The following CNOT6 variants were observed in gnomAD, a reference collection of about 807,000 sequenced individuals.
The protein encoded by CNOT6 is CCR4-NOT transcription complex subunit 6.
CNOT6 carries 12 observed loss-of-function variants against 61.2 expected under a neutral mutation model. The observed-to-expected ratio is 0.20, with a 90% CI of 0.13 to 0.32. The LOEUF (loss-of-function observed/expected upper bound fraction) is 0.32, where lower values mean the gene tolerates loss of function less well. Among genes scored for constraint, CNOT6 ranks in the 10% least tolerant of loss-of-function variants. The pLI is 1.00. For synonymous variants in CNOT6, 225 were observed against 240.6 expected (o/e 0.94, Z 0.60); for missense variants, 405 against 663.9 (o/e 0.61, Z 4.28).
chr5:180,513,464 T>G (rs1757491115), intron 1 of CNOT6, among the ~76,000 whole-genome samples: 1 of 152,044 alleles, frequency 6.6e-6, no homozygotes, highest in Non-Finnish European at 1.5e-5. Context: ...CCTCCCAGGT[T>G]CAAGCGATTC....
intron 4 of CNOT6, among the ~76,000 whole-genome samples, chr5:180,561,917 G>C (rs1185390684): frequency 1.3e-5 from 2 of 152,220 alleles, no homozygotes; most frequent in African/African-American, 2.4e-5. Flanking sequence ...AAGTCTACCA[G>C]CCTCTCCACT....
rs61745063 is a variant in CNOT6, at chr5:180,567,099, G to A, written c.729G>A (p.Thr243=). ...TTACAACTTTTCAGGAGGTTGAAAC[G>A]GAACAGTATTACAGTTTTTTTCTGG... The part of the protein sequence containing the change: ...ADIVSLQEVE[T]EQYYSFFLVE... The change falls in exon 8 of 12, where the codon ACG becomes ACA. Residue 243 remains threonine, a synonymous_variant. Coordinates refer to ENST00000261951, the MANE Select transcript of CNOT6 (RefSeq NM_001370472.1). 2,125 of 1,604,548 alleles carry A rather than the reference G, an allele frequency of 1.3e-3. 26 individuals carry two copies. In the African/African-American group the frequency reaches 0.024, roughly 18 times the overall value.
chr5:180,538,874 C>T (rs1474201461), intron 2 of CNOT6, among the ~76,000 whole-genome samples: 2 of 150,918 alleles, frequency 1.3e-5, no homozygotes, highest in Non-Finnish European at 3.0e-5. Context: ...GTGAGACCCT[C>T]TCTCAAAAGA....
At chr5:180,498,207 A>T (rs1043315484) in intron 1 of CNOT6, among the ~76,000 whole-genome samples, 1 of 152,168 alleles carries the variant, frequency 6.6e-6, no homozygotes, top group Admixed American at 6.5e-5. Flanking sequence ...GGCTGTCTCC[A>T]CTTCGCTCTT....
At chr5:180,536,331 C>G (rs1758697981) in intron 2 of CNOT6, among the ~76,000 whole-genome samples, 1 of 151,794 alleles carries the variant, frequency 6.6e-6, no homozygotes, top group Admixed American at 6.6e-5. Context: ...AGTTGAGTTC[C>G]TTGTAGATTC....
In CNOT6 at chr5:180,569,225, A is replaced by C; in HGVS notation, c.1143A>C (p.Ser381=). ...TGGTACAAACTATGATGTTCCTCTC[A>C]GAAGTGAAGAACATTATTGATAAAG... ...VKLVQTMMFL[S]EVKNIIDKAS... Residue 381 remains serine (S), a synonymous_variant, in exon 10 of 12, where the codon TCA becomes TCC. Transcript: ENST00000261951. The C allele has an allele frequency of 6.2e-7, 1 of 1,613,880 alleles. No individual in the cohort carries two copies. The highest frequency in any genetic ancestry group is 8.5e-7 in the Non-Finnish European group (1 of 1,179,710).
chr5:180,519,763 A>ATT (rs1281494142), intron 1 of CNOT6, among the ~76,000 whole-genome samples: 1 of 100,494 alleles, frequency 1.0e-5, no homozygotes, highest in Admixed American at 1.3e-4. Context: ...CAGTTAATCG[A>ATT]TTCTTTTTTT....
chr5:180,551,101 T>C (rs905186954), intron 3 of CNOT6, among the ~76,000 whole-genome samples: 2 of 151,734 alleles, frequency 1.3e-5, no homozygotes, highest in Admixed American at 6.6e-5. Context: ...CCCAGTACTT[T>C]GAGTGGCTGA....
At chr5:180,566,904 T>G (rs554343465) in intron 7 of CNOT6, among the ~76,000 whole-genome samples, 184 bp from the exon 8 acceptor site, 1 of 152,238 alleles carries the variant, frequency 6.6e-6, no homozygotes, top group African/African-American at 2.4e-5. Context: ...TCCGCCCGCC[T>G]CGGCCTCTCA....
intron 4 of CNOT6, among the ~76,000 whole-genome samples, chr5:180,563,466 TCTC>T (rs1184969211): frequency 6.6e-6 from 1 of 151,998 alleles, no homozygotes; most frequent in East Asian, 1.9e-4. Flanking sequence ...ATGGTCTCGA[TCTC>T]CTAACCTCGT....
rs756489493 is a variant in CNOT6, at chr5:180,535,988, G to GTTTTT, written c.112+6625_112+6629dup. 9.6e-5 allele frequency among the ~76,000 whole-genome samples: 6 copies of GTTTTT among 62,444 alleles called. 1 individual carries two copies. Among genetic ancestry groups the GTTTTT allele is most frequent in the East Asian group, 6.6e-4 (1 of 1,522 alleles). 41.0% of individuals were successfully genotyped at this position (62,444 alleles called of 152,430 possible). A position where few individuals can be genotyped will look rare whatever the true frequency, so the allele number is the denominator to read the frequency against. ...TCATGTTCTTTGCCCACTTATTAGG[G>GTTTTT]TTTTTTTTTTTTTTTTTTTTTTTTT... On this transcript the variant is annotated intron_variant, in intron 2 of 11. Transcript: ENST00000261951.
chr5:180,496,615 T>G (rs529796638), intron 1 of CNOT6, among the ~76,000 whole-genome samples: 1 of 151,670 alleles, frequency 6.6e-6, no homozygotes, highest in East Asian at 1.9e-4. Flanking sequence ...GGAAGGAGGA[T>G]GGCTTGAGCC....
At chr5:180,531,992 G>A (rs59024931) in intron 2 of CNOT6, among the ~76,000 whole-genome samples, 14,150 of 152,162 alleles carry the variant, frequency 0.093, 808 homozygotes, top group East Asian at 0.25. Context: ...CCGGGGAGAG[G>A]GAGAGGGACC....
intron 1 of CNOT6, among the ~76,000 whole-genome samples, chr5:180,522,867 C>G (rs1344478794): frequency 6.6e-6 from 1 of 152,200 alleles, no homozygotes; most frequent in Non-Finnish European, 1.5e-5. Context: ...CATCTGTATA[C>G]TTTACCATAT....
At chr5:180,510,315 A>C (rs1486199757) in intron 1 of CNOT6, among the ~76,000 whole-genome samples, 2 of 151,446 alleles carry the variant, frequency 1.3e-5, no homozygotes. Flanking sequence ...CTATCCGTAA[A>C]CTTTTAACTG....
At chr5:180,546,439 G>A (rs1469506969) in intron 2 of CNOT6, among the ~76,000 whole-genome samples, 1 of 151,858 alleles carries the variant, frequency 6.6e-6, no homozygotes, top group Non-Finnish European at 1.5e-5. Flanking sequence ...ATTAGTTAGG[G>A]TTTATGGTGT....
In CNOT6 at chr5:180,508,182, G is replaced by A. The variant is rs546295379; in HGVS notation, c.-3+13419G>A. Reference sequence around the variant, plus strand: ...GGGTGAGAGATTTAGGAAGTAAAATGGGCTAGAGTTGGAGACTGGATATGA... The same window carrying A: ...GGGTGAGAGATTTAGGAAGTAAAATAGGCTAGAGTTGGAGACTGGATATGA... On this transcript the variant is annotated intron_variant, in intron 1 of 11. Coordinates refer to ENST00000261951, the MANE Select transcript of CNOT6 (RefSeq NM_001370472.1). Among the ~76,000 whole-genome samples the A allele has an allele frequency of 4.6e-5, 7 of 152,316 alleles. 1 individual carries two copies. The highest frequency in any genetic ancestry group is 2.6e-4 in the Admixed American group (4 of 15,306).
chr5:180,543,911 C>T (rs1189549527), intron 2 of CNOT6, among the ~76,000 whole-genome samples: 1 of 152,026 alleles, frequency 6.6e-6, no homozygotes, highest in South Asian at 2.1e-4. Context: ...CCCAGGTTCA[C>T]GCCATTCTCC....
At chr5:180,559,947 A>G (rs2127755741) in intron 4 of CNOT6, among the ~76,000 whole-genome samples, 1 of 150,026 alleles carries the variant, frequency 6.7e-6, no homozygotes, top group South Asian at 2.1e-4. Flanking sequence ...CATTAGTTTT[A>G]TGATTTTTTT....
Sources: allele counts gnomAD v4.1 joint callset (sites outside exome capture counted in the v4.1 genomes callset), GRCh38; gene constraint gnomAD v4.1.1; transcripts MANE v1.5; gene names NCBI Gene and HGNC (gene_info 2026-07-23, HGNC 2026-07-21).